ACADM: variants seen among roughly 807,000 people sequenced by gnomAD.
ACADM encodes the protein medium-chain specific acyl-CoA dehydrogenase, mitochondrial.
A neutral mutation model predicts 58.9 loss-of-function variants in ACADM; 49 were observed. The observed-to-expected ratio is 0.83, with a 90% CI of 0.66 to 1.06. ACADM has a LOEUF of 1.06. Ranked by LOEUF, ACADM falls within the 50% of genes least tolerant of loss-of-function variation. The pLI, the probability that ACADM is intolerant of heterozygous loss-of-function variation, is 0.00. For missense variants in ACADM, 496 were observed against 507.0 expected (o/e 0.98, Z 0.21); for synonymous variants, 160 against 157.7 (o/e 1.01, Z -0.11).
At chr1:75,759,359 G>A (rs903064791) in intron 10 of ACADM, among the ~76,000 whole-genome samples, 27 of 152,192 alleles carry the variant, frequency 1.8e-4, no homozygotes, top group African/African-American at 5.8e-4. Context: ...TCCTGCCATC[G>A]TCTTTCCAGT....
intron 7 of ACADM, chr1:75,744,866 A>C (rs1184752282): frequency 2.5e-6 from 1 of 402,124 alleles, no homozygotes; most frequent in Non-Finnish European, 4.7e-6. Context: ...TTAAAGAATA[A>C]AATTAGTTTT....
chr1:75,744,202 T>A, intron 7 of ACADM: 1 of 1,572,654 alleles, frequency 6.4e-7, no homozygotes, highest in Non-Finnish European at 8.8e-7. Context: ...TAGAAGGAGG[T>A]TGTGAGGGCG....
intron 1 of ACADM, among the ~76,000 whole-genome samples, chr1:75,727,972 G>A (rs1297306909): frequency 1.3e-5 from 2 of 152,172 alleles, no homozygotes. Flanking sequence ...GAGGCTCACA[G>A]TGACAGGGTA....
intron 2 of ACADM, 138 bp from the exon 3 acceptor site, chr1:75,732,506 A>C: frequency 1.3e-6 from 1 of 748,824 alleles, no homozygotes; most frequent in South Asian, 1.5e-5. Context: ...TTGATTAGTC[A>C]AAAAATGCAC....
In ACADM at chr1:75,732,863, C is replaced by G. The variant is rs776162089; in HGVS notation, c.227C>G (p.Pro76Arg). The G allele has an allele frequency of 2.5e-6, 4 of 1,613,446 alleles. No individual in the cohort carries two copies. Among genetic ancestry groups the G allele is most frequent in the Middle Eastern group, 1.7e-4 (1 of 6,058 alleles). ...TTCTTTTTCTTCTAGTATCCAGTCC[C>G]CCTAATTAGAAGAGCCTGGGAACTT... ...EYDKTGEYPV[P>R]LIRRAWELGL... Residue 76 changes from proline to arginine, a missense_variant, in exon 4 of 12, where the codon CCC (proline) becomes CGC (arginine). Physicochemically the swap from Pro to Arg is moderately radical, Grantham distance 103. Coordinates refer to ENST00000370841, the MANE Select transcript of ACADM (RefSeq NM_000016.6).
At chr1:75,743,740 G>C in intron 7 of ACADM, 1 of 1,543,666 alleles carries the variant, frequency 6.5e-7, no homozygotes, top group East Asian at 2.2e-5. Context: ...TTCAGTGATG[G>C]TCTGTTCAAT....
At chr1:75,732,577 A>G (rs1406895256) in intron 2 of ACADM, 67 bp from the exon 3 acceptor site, 2 of 1,224,868 alleles carry the variant, frequency 1.6e-6, no homozygotes, top group African/African-American at 1.5e-5. Flanking sequence ...ACATTTCTAC[A>G]TACTGACTTC....
At chr1:75,754,016 G>A (rs1173649292) in intron 10 of ACADM, among the ~76,000 whole-genome samples, 3 of 144,284 alleles carry the variant, frequency 2.1e-5, no homozygotes, top group Non-Finnish European at 4.5e-5. Flanking sequence ...GGCTGGTCTC[G>A]AACTCCTGAG....
At chr1:75,759,687 GT>G (rs1648717180) in intron 10 of ACADM, among the ~76,000 whole-genome samples, 1 of 108,302 alleles carries the variant, frequency 9.2e-6, no homozygotes, top group South Asian at 3.1e-4. Flanking sequence ...TTGAGACAGA[GT>G]TTTGCTTTTG....
chr1:75,732,923 G>C lies in ACADM; in HGVS notation c.286+1G>C. 6.2e-7 allele frequency: 1 copy of C among 1,613,796 alleles called. No individual in the cohort carries two copies. On this transcript the variant is annotated splice_donor_variant, in intron 4 of 11. Coordinates refer to ENST00000370841, the MANE Select transcript of ACADM (RefSeq NM_000016.6). LOFTEE classifies it high-confidence loss of function. ...AACACACACATTCCAGAGAACTGTG[G>C]TAAGCTTTCTTTATATTTTTAATAC... is the stretch of plus-strand genomic sequence containing the variant.
At chr1:75,729,264 TTTTTC>T (rs1211764836) in intron 2 of ACADM, among the ~76,000 whole-genome samples, 4 of 147,920 alleles carry the variant, frequency 2.7e-5, no homozygotes, top group South Asian at 2.1e-4. Flanking sequence ...TTTAATGAAA[TTTTTC>T]TTTTCTTTTT....
intron 8 of ACADM, among the ~76,000 whole-genome samples, chr1:75,746,425 T>A (rs1472870326): frequency 2.0e-5 from 3 of 152,202 alleles, no homozygotes; most frequent in African/African-American, 7.2e-5. Context: ...AAGAAAATCT[T>A]ACTTAAATAA....
chr1:75,749,380 C>T, intron 8 of ACADM, 39 bp from the exon 9 acceptor site: 1 of 1,607,018 alleles, frequency 6.2e-7, no homozygotes, highest in Non-Finnish European at 8.5e-7. Context: ...GATGCTGGCT[C>T]AAAAAAAATT....
At chr1:75,750,050 G>A (rs1373781531) in intron 9 of ACADM, among the ~76,000 whole-genome samples, 2 of 151,922 alleles carry the variant, frequency 1.3e-5, no homozygotes, top group Non-Finnish European at 2.9e-5. Flanking sequence ...AATTCTTCAA[G>A]TTTTCTTACT....
At chr1:75,739,015 TACCA>T (rs1647423287) in intron 6 of ACADM, among the ~76,000 whole-genome samples, 1 of 152,198 alleles carries the variant, frequency 6.6e-6, no homozygotes, top group Non-Finnish European at 1.5e-5. Context: ...ACTCATGTCT[TACCA>T]TTCCCTTACA....
At chr1:75,744,181 C>T in intron 7 of ACADM, 2 of 1,572,768 alleles carry the variant, frequency 1.3e-6, no homozygotes, top group Non-Finnish European at 1.8e-6. Context: ...TTACTGCAGA[C>T]ACAGGTTTGC....
In ACADM at chr1:75,724,742, C is replaced by T. The variant is rs778566209; in HGVS notation, c.-46C>T. On this transcript the variant is annotated 5_prime_UTR_variant, in exon 1 of 12. Transcript: ENST00000370841. ...CCCGCGTTCGGGGAGTATGTCAAGG[C>T]CGTGACCCGTGTATTATTGTCCGAG... is the stretch of plus-strand genomic sequence containing the variant. The T allele has an allele frequency of 6.5e-7, 1 of 1,542,206 alleles. No homozygotes were observed. Among genetic ancestry groups the T allele is most frequent in the Non-Finnish European group, 8.7e-7 (1 of 1,144,534 alleles).
At chr1:75,753,370 AT>A (rs1648309487) in intron 10 of ACADM, among the ~76,000 whole-genome samples, 1 of 149,040 alleles carries the variant, frequency 6.7e-6, no homozygotes, top group South Asian at 2.1e-4. Context: ...CAGGATTTAA[AT>A]TCCTTTTTAG....
chr1:75,759,092 T>C (rs750200360), intron 10 of ACADM, among the ~76,000 whole-genome samples: 1 of 152,072 alleles, frequency 6.6e-6, no homozygotes, highest in Non-Finnish European at 1.5e-5. Context: ...TGGACACATC[T>C]GAAGGAACAA....
Sources: gnomAD v4.1 joint callset for allele counts (sites outside exome capture counted in the v4.1 genomes callset) on GRCh38, gnomAD v4.1.1 for gene constraint, MANE v1.5 for transcripts, NCBI Gene and HGNC (gene_info 2026-07-23, HGNC 2026-07-21) for gene names.